Variants in ZMAT1 observed in about 807,000 individuals in gnomAD.
ZMAT1 encodes the protein zinc finger matrin-type 1, also known as zinc finger matrin-type protein 1.
In ZMAT1, 11 loss-of-function variants were observed where a neutral mutation model predicts 18.5. That is an observed-to-expected ratio of 0.59 (90% CI 0.37 to 0.98). The LOEUF is 0.98. Among genes scored for constraint, ZMAT1 ranks in the 50% least tolerant of loss-of-function variants. The pLI is 0.01. For missense variants in ZMAT1, 525 were observed against 496.2 expected (o/e 1.06, Z -0.55); for synonymous variants, 211 against 176.4 (o/e 1.20, Z -1.55).
intron 1 of ZMAT1, 187 bp downstream of exon 1, chrX:101,931,530 T>C (rs11797203): frequency 1.3e-6 from 1 of 742,948 alleles, no homozygotes; most frequent in Non-Finnish European, 1.6e-6. Flanking sequence ...AGGCCCTCTC[T>C]GCTTCAGTCC....
rs1031514275 is a variant in ZMAT1, at chrX:101,930,654, T to C, written c.292+1063A>G. On this transcript the variant is annotated intron_variant, in intron 1 of 5. Transcript: ENST00000651725. ...TATTTTGGTGTCCACAATCTTTCAC[T>C]TTGGAGGCAAGTTAGCAACATAAGG... Among the ~76,000 whole-genome samples the C allele has an allele frequency of 7.1e-5, 8 of 112,310 alleles. No homozygotes were observed. The Admixed American group carries it at 7.5e-4, about 11-fold the overall frequency.
At chrX:101,886,130 C>A (rs1926926766) in intron 5 of ZMAT1, among the ~76,000 whole-genome samples, 2 of 112,161 alleles carry the variant, frequency 1.8e-5, no homozygotes, top group African/African-American at 6.5e-5. Context: ...TGTGCCAGGG[C>A]AGGCACCTTA....
In ZMAT1 at chrX:101,919,617, G is replaced by T. The variant is rs372772065; in HGVS notation, c.292+12100C>A. Among the ~76,000 whole-genome samples the T allele has an allele frequency of 1.3e-4, 14 of 111,947 alleles. No homozygotes were observed. In the East Asian group the frequency reaches 3.6e-3, roughly 29 times the overall value. ...ATCCCAAGACCAACATGGTCTAAGT[G>T]TTATAAGACACAAGAAGGTACAGTG... On this transcript the variant is annotated intron_variant, in intron 1 of 5. Coordinates refer to ENST00000651725, the MANE Select transcript of ZMAT1 (RefSeq NM_001394560.1).
chrX:101,932,020 G>A lies in ZMAT1; in HGVS notation c.-12C>T, dbSNP rs1290553705. ...GGCGCCGCCGCCATCGCAGCGAGGC[G>A]CGCGGACAATTGCACTTGCGTCTCG... is the stretch of plus-strand genomic sequence containing the variant. On this transcript the variant is annotated 5_prime_UTR_variant, in exon 1 of 6. Coordinates refer to ENST00000651725, the MANE Select transcript of ZMAT1 (RefSeq NM_001394560.1). 21 of 765,141 alleles carry A rather than the reference G, an allele frequency of 2.7e-5. 1 individual carries two copies. The highest frequency in any genetic ancestry group is 2.6e-4 in the Admixed American group (3 of 11,692). 63.1% of individuals were successfully genotyped at this position (765,141 alleles called of 1,213,427 possible).
chrX:101,929,487 AGAGAGAC>A (rs1238768857), intron 1 of ZMAT1, among the ~76,000 whole-genome samples: 2,965 of 98,000 alleles, frequency 0.03, 117 homozygotes, highest in African/African-American at 0.094. Flanking sequence ...AGAGAGAGAG[AGAGAGAC>A]ACACAAATAT....
intron 4 of ZMAT1, chrX:101,889,625 G>GGCCT (rs747121875): frequency 3.6e-5 from 4 of 111,815 alleles, no homozygotes; most frequent in Non-Finnish European, 7.5e-5. Context: ...TTGGAGGGTT[G>GGCCT]GCCTGAGCAA....
chrX:101,908,983 A>C (rs1928784437), intron 1 of ZMAT1, among the ~76,000 whole-genome samples: 1 of 109,052 alleles, frequency 9.2e-6, no homozygotes, highest in African/African-American at 3.3e-5. Context: ...CCCAGGCTAC[A>C]TGGTTTGAGG....
chrX:101,927,681 GGTACTGT>G (rs967562780), intron 1 of ZMAT1, among the ~76,000 whole-genome samples: 1 of 111,981 alleles, frequency 8.9e-6, no homozygotes. Flanking sequence ...ACTGAATTAA[GGTACTGT>G]GTAAATCCAT....
intron 1 of ZMAT1, among the ~76,000 whole-genome samples, chrX:101,918,079 G>A (rs1929456331): frequency 9.0e-6 from 1 of 111,365 alleles, no homozygotes; most frequent in Admixed American, 9.5e-5. Context: ...ATGGTTAATG[G>A]GCACAAAATA....
intron 1 of ZMAT1, chrX:101,912,163 G>A (rs908774048): frequency 6.0e-6 from 4 of 671,383 alleles, no homozygotes; most frequent in East Asian, 7.1e-5. Flanking sequence ...CATGAGAAAC[G>A]TATATTCATA....
At chrX:101,891,453 A>G (rs1927388230) in intron 4 of ZMAT1, among the ~76,000 whole-genome samples, 1 of 111,295 alleles carries the variant, frequency 9.0e-6, no homozygotes, top group Admixed American at 9.6e-5. Context: ...AAGGTGTCCA[A>G]CAGGCAGTTA....
At chrX:101,926,816 G>T (rs1486065630) in intron 1 of ZMAT1, among the ~76,000 whole-genome samples, 1 of 112,182 alleles carries the variant, frequency 8.9e-6, no homozygotes, top group African/African-American at 3.2e-5. Flanking sequence ...TCCTCCTCAG[G>T]ATAACCCGTC....
intron 4 of ZMAT1, among the ~76,000 whole-genome samples, chrX:101,893,797 T>C (rs774613187): frequency 9.9e-5 from 11 of 110,876 alleles, no homozygotes; most frequent in Admixed American, 4.8e-4. Flanking sequence ...GGAAGTGTTA[T>C]AGGGATATTC....
intron 5 of ZMAT1, among the ~76,000 whole-genome samples, chrX:101,885,889 G>A (rs538168709): frequency 1.1e-4 from 12 of 110,718 alleles, no homozygotes; most frequent in Non-Finnish European, 1.5e-4. Flanking sequence ...GTCTCACTAC[G>A]TTGCCCAGGC....
intron 1 of ZMAT1, among the ~76,000 whole-genome samples, chrX:101,923,157 TTTCTC>T (rs1303675892): frequency 2.7e-5 from 3 of 112,134 alleles, no homozygotes; most frequent in Non-Finnish European, 1.9e-5. Context: ...CACCATGTCT[TTTCTC>T]TTCCTTAACT....
chrX:101,895,574 G>C (rs1187180686), intron 4 of ZMAT1, among the ~76,000 whole-genome samples: 1 of 110,996 alleles, frequency 9.0e-6, no homozygotes, highest in East Asian at 2.8e-4. Context: ...AAAAAGTTTT[G>C]GGATAATTTT....
rs763546698 is a variant in ZMAT1, at chrX:101,883,478, C to A, written c.*32G>T. The A allele has an allele frequency of 3.0e-6, 3 of 991,842 alleles. No homozygotes were observed. Among genetic ancestry groups the A allele is most frequent in the Non-Finnish European group, 4.0e-6 (3 of 748,686 alleles). 81.7% of individuals were successfully genotyped at this position (991,842 alleles called of 1,213,427 possible). A position where few individuals can be genotyped will look rare whatever the true frequency, so the allele number is the denominator to read the frequency against. On this transcript the variant is annotated 3_prime_UTR_variant, in exon 6 of 6. Transcript: ENST00000651725. ...ATCCATATTGACTGTTTTTTTTTTT[C>A]AATTCAACCTTGGGTAAACAAAACT...
intron 2 of ZMAT1, among the ~76,000 whole-genome samples, chrX:101,903,229 T>G (rs749263554): frequency 9.9e-5 from 11 of 111,534 alleles, no homozygotes; most frequent in Non-Finnish European, 2.1e-4. Context: ...TGATTTCACT[T>G]AATTCTCACA....
chrX:101,906,717 A>G (rs901349880), intron 1 of ZMAT1, among the ~76,000 whole-genome samples: 7 of 111,074 alleles, frequency 6.3e-5, no homozygotes, highest in African/African-American at 2.0e-4. Context: ...CCAGGGACCT[A>G]GCCTCTAAGC....
Sources: gnomAD v4.1 joint callset for allele counts (sites outside exome capture counted in the v4.1 genomes callset) on GRCh38, gnomAD v4.1.1 for gene constraint, MANE v1.5 for transcripts, NCBI Gene and HGNC (gene_info 2026-07-23, HGNC 2026-07-21) for gene names.